The following DLGAP2 variants were observed in gnomAD, a reference collection of about 807,000 sequenced individuals.
DLGAP2 encodes the protein DLG associated protein 2, also known as disks large-associated protein 2.
In DLGAP2, 26 loss-of-function variants were observed where a neutral mutation model predicts 100.3. That is an observed-to-expected ratio of 0.26 (90% CI 0.19 to 0.36). The LOEUF is 0.36. DLGAP2 is among the 10% of genes least tolerant of loss of function. The pLI, the probability that DLGAP2 is intolerant of heterozygous loss-of-function variation, is 1.00. For synonymous variants in DLGAP2, 886 were observed against 630.1 expected (o/e 1.41, Z -6.08); for missense variants, 1,858 against 1,453.2 (o/e 1.28, Z -4.53).
chr8:1,129,568 G>T (rs1353018568), intron 2 of DLGAP2, among the ~76,000 whole-genome samples: 1 of 152,122 alleles, frequency 6.6e-6, no homozygotes, highest in Non-Finnish European at 1.5e-5. Flanking sequence ...TATTTCGAGA[G>T]GGGCACCTGC....
chr8:1,554,413 G>C (rs1801885848), intron 5 of DLGAP2, among the ~76,000 whole-genome samples: 1 of 152,202 alleles, frequency 6.6e-6, no homozygotes, highest in Non-Finnish European at 1.5e-5. Flanking sequence ...TCAGAGTTGG[G>C]TGTGGTGGCC....
At chr8:1,455,853 A>G (rs1012958662) in intron 3 of DLGAP2, among the ~76,000 whole-genome samples, 1 of 152,192 alleles carries the variant, frequency 6.6e-6, no homozygotes, top group Admixed American at 6.5e-5. Flanking sequence ...CACAGACTCC[A>G]GGACGGCAGG....
At chr8:1,532,303 C>T (rs571855397) in intron 4 of DLGAP2, among the ~76,000 whole-genome samples, 56 of 152,316 alleles carry the variant, frequency 3.7e-4, no homozygotes, top group African/African-American at 1.3e-3. Flanking sequence ...CCATTCCGAT[C>T]CTTCTCTCTC....
intron 3 of DLGAP2, among the ~76,000 whole-genome samples, chr8:1,371,357 G>A (rs57941582): frequency 0.033 from 5,081 of 152,232 alleles, 273 homozygotes; most frequent in African/African-American, 0.11. Flanking sequence ...TGGCATTTGC[G>A]CCAGGGCAGA....
At chr8:1,487,847 C>A (rs936856624) in intron 3 of DLGAP2, among the ~76,000 whole-genome samples, 1 of 152,174 alleles carries the variant, frequency 6.6e-6, no homozygotes, top group Non-Finnish European at 1.5e-5. Flanking sequence ...CCAGCAGGTA[C>A]GTGGTGGCCC....
chr8:1,605,341 C>G (rs993746307), intron 6 of DLGAP2, among the ~76,000 whole-genome samples: 2 of 152,160 alleles, frequency 1.3e-5, no homozygotes, highest in Admixed American at 6.5e-5. Flanking sequence ...TCCGTCGCCA[C>G]ACAAGTGATA....
At chr8:1,360,714 G>A (rs370606296) in intron 3 of DLGAP2, among the ~76,000 whole-genome samples, 3 of 152,136 alleles carry the variant, frequency 2.0e-5, no homozygotes, top group Non-Finnish European at 4.4e-5. Flanking sequence ...CATGGAGATC[G>A]GTGGCCTCGT....
chr8:1,306,314 A>G (rs992987956), intron 3 of DLGAP2, among the ~76,000 whole-genome samples: 1 of 152,160 alleles, frequency 6.6e-6, no homozygotes, highest in African/African-American at 2.4e-5. Flanking sequence ...CAATTTAAAA[A>G]GGAAGTAAAT....
intron 2 of DLGAP2, among the ~76,000 whole-genome samples, chr8:1,178,169 G>T (rs1012630683): frequency 6.6e-6 from 1 of 152,242 alleles, no homozygotes; most frequent in Non-Finnish European, 1.5e-5. Flanking sequence ...TGAAGGCAGG[G>T]AAATGTTAAA....
At chr8:1,540,970 G>T (rs1338686239) in intron 4 of DLGAP2, among the ~76,000 whole-genome samples, 1 of 152,196 alleles carries the variant, frequency 6.6e-6, no homozygotes, top group Non-Finnish European at 1.5e-5. Context: ...CGTTTCCACA[G>T]AATTCGGCCC....
chr8:1,068,118 G>C (rs1241191454), intron 2 of DLGAP2, among the ~76,000 whole-genome samples: 3 of 152,198 alleles, frequency 2.0e-5, no homozygotes. Context: ...GTGCCTTCGT[G>C]TCTTTTCCTG....
At chr8:1,100,362 G>A (rs906116932) in intron 2 of DLGAP2, among the ~76,000 whole-genome samples, 14 of 151,892 alleles carry the variant, frequency 9.2e-5, no homozygotes, top group African/African-American at 2.9e-4. Flanking sequence ...GAAAACCTTT[G>A]TCCAGCATGT....
intron 2 of DLGAP2, among the ~76,000 whole-genome samples, chr8:1,104,706 G>C (rs1804698568): frequency 6.7e-6 from 1 of 149,936 alleles, no homozygotes. Context: ...TGCACTGAGG[G>C]GTTGGGGTCC....
chr8:1,018,490 C>T (rs769278014), intron 2 of DLGAP2, among the ~76,000 whole-genome samples: 1 of 152,228 alleles, frequency 6.6e-6, no homozygotes, highest in Non-Finnish European at 1.5e-5. Context: ...CCAGGCCTGC[C>T]CTGCTGAAGT....
chr8:1,037,475 C>T (rs1802167244), intron 2 of DLGAP2, among the ~76,000 whole-genome samples: 2 of 152,156 alleles, frequency 1.3e-5, no homozygotes, highest in South Asian at 2.1e-4. Flanking sequence ...GGCTGCTGTG[C>T]ACTGAAGAGG....
rs544479551 is a variant in DLGAP2 at position 1,097,375 on chromosome 8, G to A, written c.74-161476G>A. Among the ~76,000 whole-genome samples, 171 of 109,966 alleles carry A rather than the reference G, an allele frequency of 1.6e-3. 9 individuals are homozygous for A. Among genetic ancestry groups the A allele is most frequent in the African/African-American group, 5.6e-3 (154 of 27,534 alleles). 72.1% of individuals were successfully genotyped at this position (109,966 alleles called of 152,430 possible). ...CCACGTCCCTGTGCTCAGTAGAGTGGAGCTGGGAGCCCGGGGCAGGCCTTC... is the reference window on the plus strand; with the variant it reads ...CCACGTCCCTGTGCTCAGTAGAGTGAAGCTGGGAGCCCGGGGCAGGCCTTC... On this transcript the variant is annotated intron_variant, in intron 2 of 14. Coordinates refer to ENST00000637795, the MANE Select transcript of DLGAP2 (RefSeq NM_001346810.2).
chr8:1,025,840 G>A (rs1801782528), intron 2 of DLGAP2, among the ~76,000 whole-genome samples: 1 of 152,214 alleles, frequency 6.6e-6, no homozygotes, highest in Admixed American at 6.5e-5. Flanking sequence ...TGTGAGCATG[G>A]TGCCCTGGCT....
intron 4 of DLGAP2, among the ~76,000 whole-genome samples, chr8:1,537,622 C>G (rs1039228341): frequency 2.6e-5 from 4 of 152,074 alleles, no homozygotes; most frequent in African/African-American, 9.7e-5. Flanking sequence ...CTGCTCATCT[C>G]TCTATCCCCA....
chr8:1,646,279 C>A (rs1798038910), intron 8 of DLGAP2, among the ~76,000 whole-genome samples: 1 of 152,202 alleles, frequency 6.6e-6, no homozygotes, highest in African/African-American at 2.4e-5. Context: ...CCGCCCAGAT[C>A]TCCAGCTTGC....
Sources: allele counts gnomAD v4.1 joint callset (sites outside exome capture counted in the v4.1 genomes callset), GRCh38; gene constraint gnomAD v4.1.1; transcripts MANE v1.5; gene names NCBI Gene and HGNC (gene_info 2026-07-23, HGNC 2026-07-21).